The following ISCA1 variants were observed in gnomAD, a reference collection of about 807,000 sequenced individuals.
ISCA1 encodes iron-sulfur cluster assembly 1 homolog, mitochondrial.
Under a neutral mutation model 14.7 loss-of-function variants are expected in ISCA1, and 9 were observed. The observed-to-expected ratio is 0.61, with a 90% CI of 0.37 to 1.07. ISCA1 has a LOEUF of 1.07. ISCA1 is among the 50% of genes least tolerant of loss of function. The pLI is 0.01. For synonymous variants in ISCA1, 38 were observed against 54.3 expected (o/e 0.70, Z 1.32); for missense variants, 102 against 150.1 (o/e 0.68, Z 1.67).
intron 1 of ISCA1, chr9:86,282,091 G>A (rs113469515): frequency 2.2e-6 from 1 of 457,884 alleles, no homozygotes; most frequent in Non-Finnish European, 3.9e-6. Context: ...CGGCCCCCGG[G>A]GACGCCCACC....
rs572418963 is a variant in ISCA1 at position 86,278,821 on chromosome 9, C to T, written c.81+3557G>A. Among the ~76,000 whole-genome samples the T allele has an allele frequency of 1.1e-4, 16 of 152,170 alleles. No individual in the cohort carries two copies. The East Asian group carries it at 1.5e-3, about 15-fold the overall frequency. On this transcript the variant is annotated intron_variant, in intron 1 of 3. Transcript: ENST00000375991. ...CCTTCTAAGTGTTTAATGGTTTAAA[C>T]GTAACATCTTTTTATTCCTGCCATT...
At chr9:86,277,728 A>C (rs1825455490) in intron 1 of ISCA1, among the ~76,000 whole-genome samples, 1 of 152,216 alleles carries the variant, frequency 6.6e-6, no homozygotes, top group South Asian at 2.1e-4. Flanking sequence ...TAATGAATAT[A>C]GCTTACCTGA....
intron 3 of ISCA1, among the ~76,000 whole-genome samples, chr9:86,268,717 T>A (rs995042741): frequency 6.6e-6 from 1 of 152,086 alleles, no homozygotes; most frequent in African/African-American, 2.4e-5. Flanking sequence ...TTCTTTTTTT[T>A]AAGAGATGGA....
intron 1 of ISCA1, chr9:86,282,069 T>G: frequency 9.9e-6 from 4 of 406,022 alleles, no homozygotes; most frequent in Middle Eastern, 6.9e-4. Context: ...CCGGCAGGAG[T>G]GTGGAGGCGA....
intron 1 of ISCA1, among the ~76,000 whole-genome samples, chr9:86,276,896 A>AAAAAT (rs1825444855): frequency 1.4e-5 from 2 of 147,082 alleles, no homozygotes; most frequent in Non-Finnish European, 3.0e-5. Flanking sequence ...AAAAAAAAAA[A>AAAAAT]GGCATAGCCA....
intron 3 of ISCA1, among the ~76,000 whole-genome samples, chr9:86,269,786 C>T (rs925433704): frequency 3.3e-5 from 5 of 151,232 alleles, no homozygotes; most frequent in East Asian, 1.9e-4. Flanking sequence ...GAAATAACGC[C>T]GCATATCTAC....
At chr9:86,279,742 GCT>G (rs1441518333) in intron 1 of ISCA1, among the ~76,000 whole-genome samples, 6 of 152,092 alleles carry the variant, frequency 3.9e-5, no homozygotes, top group African/African-American at 1.4e-4. Context: ...ACTTTTGTTT[GCT>G]CTCTTATCTG....
At chr9:86,269,560 T>C (rs1825339596) in intron 3 of ISCA1, among the ~76,000 whole-genome samples, 2 of 151,886 alleles carry the variant, frequency 1.3e-5, no homozygotes, top group Admixed American at 1.3e-4. Context: ...AAGCTACCAA[T>C]GACTTTCTTC....
intron 3 of ISCA1, among the ~76,000 whole-genome samples, chr9:86,269,093 C>T (rs1825331268): frequency 6.6e-6 from 1 of 152,188 alleles, no homozygotes; most frequent in African/African-American, 2.4e-5. Flanking sequence ...CACGCCTGGC[C>T]AGTGCACTAC....
intron 1 of ISCA1, among the ~76,000 whole-genome samples, chr9:86,281,273 T>C (rs949893945): frequency 2.6e-5 from 4 of 152,238 alleles, no homozygotes; most frequent in Non-Finnish European, 5.9e-5. Flanking sequence ...ATCAAAGGCC[T>C]AAAAAATTGA....
chr9:86,268,231 C>A (rs1488870799), intron 3 of ISCA1, among the ~76,000 whole-genome samples: 4 of 151,932 alleles, frequency 2.6e-5, no homozygotes, highest in Non-Finnish European at 5.9e-5. Flanking sequence ...GACGGCCTTC[C>A]AATGGGATGA....
chr9:86,266,408 A>AT (rs1327097938), intron 3 of ISCA1, among the ~76,000 whole-genome samples: 1 of 152,234 alleles, frequency 6.6e-6, no homozygotes, highest in Admixed American at 6.5e-5. Flanking sequence ...TTAGGGGAGA[A>AT]TTTTATACAA....
intron 1 of ISCA1, chr9:86,282,151 A>G (rs2131230080): frequency 1.8e-6 from 1 of 551,836 alleles, no homozygotes; most frequent in Non-Finnish European, 3.1e-6. Context: ...CCTGACGGGA[A>G]ACGTAGTTTC....
rs978251744 is a variant in ISCA1, at chr9:86,272,086, G to A, written c.162C>T (p.Thr54=). Residue 54 remains threonine (T), a synonymous_variant, in exon 3 of 4, where the codon ACC becomes ACT. Transcript: ENST00000375991. ...EHVGVKVGVR[T]RGCNGLSYTL... Reference sequence around the variant, plus strand: ...TATAAGAAAGGCCATTACAGCCCCTGGTTCGGACACCAACTTTTACACCTA... The same window carrying A: ...TATAAGAAAGGCCATTACAGCCCCTAGTTCGGACACCAACTTTTACACCTA... The A allele has an allele frequency of 6.2e-7, 1 of 1,604,022 alleles. No homozygotes were observed. The highest frequency in any genetic ancestry group is 2.2e-5 in the East Asian group (1 of 44,820).
chr9:86,279,360 G>A (rs963814005), intron 1 of ISCA1, among the ~76,000 whole-genome samples: 1 of 152,208 alleles, frequency 6.6e-6, no homozygotes. Flanking sequence ...CTGCAAGCAG[G>A]GCACTATTTA....
rs745478879 is a variant in ISCA1, at chr9:86,265,807, G to C, written c.*236C>G. 3.4e-5 allele frequency: 22 copies of C among 644,106 alleles called. No homozygotes were observed. Among genetic ancestry groups the C allele is most frequent in the Admixed American group, 5.9e-5 (2 of 33,968 alleles). 39.9% of individuals were successfully genotyped at this position (644,106 alleles called of 1,614,324 possible). A position where few individuals can be genotyped will look rare whatever the true frequency, so the allele number is the denominator to read the frequency against. On this transcript the variant is annotated 3_prime_UTR_variant, in exon 4 of 4. Transcript: ENST00000375991. ...CCAGGAAGGCAACTTTAATGAAACTGGTTCTAAAACAAAGGATACAAGAGA... is the reference window on the plus strand; with the variant it reads ...CCAGGAAGGCAACTTTAATGAAACTCGTTCTAAAACAAAGGATACAAGAGA...
intron 1 of ISCA1, chr9:86,282,082 G>A (rs564438747): frequency 0.011 from 4,645 of 435,026 alleles, 42 homozygotes; most frequent in Non-Finnish European, 0.015. Context: ...GGAGGCGATC[G>A]GCCCCCGGGG....
chr9:86,282,183 GC>G, intron 1 of ISCA1, 194 bp downstream of exon 1: 1 of 626,380 alleles, frequency 1.6e-6, no homozygotes, highest in Non-Finnish European at 2.7e-6. Flanking sequence ...GAGCAGCCCC[GC>G]CCGGGACTTG....
intron 1 of ISCA1, 89 bp downstream of exon 1, chr9:86,282,289 C>A: frequency 1.4e-6 from 2 of 1,387,582 alleles, no homozygotes; most frequent in African/African-American, 1.5e-5. Flanking sequence ...CGCGTCCCTG[C>A]GGCCCCACTC....
Sources: gnomAD v4.1 joint callset for allele counts (sites outside exome capture counted in the v4.1 genomes callset) on GRCh38, gnomAD v4.1.1 for gene constraint, MANE v1.5 for transcripts, NCBI Gene and HGNC (gene_info 2026-07-23, HGNC 2026-07-21) for gene names.